DDX10: variants seen among roughly 807,000 people sequenced by gnomAD.
DDX10 encodes DEAD-box helicase 10, also known as probable ATP-dependent RNA helicase DDX10.
A neutral mutation model predicts 104.3 loss-of-function variants in DDX10; 74 were observed. The observed-to-expected ratio is 0.71, with a 90% CI of 0.59 to 0.86. DDX10 has a LOEUF of 0.86. DDX10 is among the 40% of genes least tolerant of loss of function. The pLI is 0.00. For synonymous variants in DDX10, 351 were observed against 353.4 expected, an observed-to-expected ratio of 0.99 and a Z score of 0.08; for missense variants, 952 against 1,040.0, an observed-to-expected ratio of 0.92 and a Z score of 1.16.
chr11:108,779,385 C>T (rs1308819779), intron 13 of DDX10, among the ~76,000 whole-genome samples: 4 of 152,096 alleles, frequency 2.6e-5, no homozygotes, highest in Non-Finnish European at 5.9e-5. Flanking sequence ...ATGTCCTTTG[C>T]AGGGACATGG....
At chr11:108,924,171 A>AAT (rs1863877941) in intron 17 of DDX10, among the ~76,000 whole-genome samples, 1 of 152,146 alleles carries the variant, frequency 6.6e-6, no homozygotes, top group Non-Finnish European at 1.5e-5. Context: ...TTAAATTTTT[A>AAT]ATATATATAA....
At chr11:108,725,044 C>G (rs2094303422) in intron 13 of DDX10, among the ~76,000 whole-genome samples, 1 of 152,022 alleles carries the variant, frequency 6.6e-6, no homozygotes, top group Non-Finnish European at 1.5e-5. Context: ...CTGATTTCTA[C>G]CCCTGTAGTG....
rs966331966 is a variant in DDX10 at position 108,706,760 on chromosome 11, T to C, written c.1245T>C (p.Ala415=). The part of the protein sequence containing the change: ...RTARYKEDGE[A]LLILLPSEKA... ...TTAGGTACAAAGAGGATGGTGAAGCTTTGCTAATTTTGCTACCCTCAGAAA... is the reference window on the plus strand; with the variant it reads ...TTAGGTACAAAGAGGATGGTGAAGCCTTGCTAATTTTGCTACCCTCAGAAA... Residue 415 remains alanine, a synonymous_variant, in exon 10 of 18, where the codon GCT becomes GCC. Coordinates refer to ENST00000322536, the MANE Select transcript of DDX10 (RefSeq NM_004398.4). The C allele has an allele frequency of 6.2e-7, 1 of 1,614,040 alleles. No individual in the cohort carries two copies. Among genetic ancestry groups the C allele is most frequent in the Admixed American group, 1.7e-5 (1 of 60,022 alleles).
chr11:108,700,389 T>C (rs1426382396), intron 9 of DDX10, among the ~76,000 whole-genome samples: 1 of 152,224 alleles, frequency 6.6e-6, no homozygotes, highest in Non-Finnish European at 1.5e-5. Context: ...CTGGGATTTA[T>C]GCTTAGATCT....
intron 1 of DDX10, among the ~76,000 whole-genome samples, chr11:108,668,722 GA>G (rs1005905766): frequency 6.6e-6 from 1 of 151,812 alleles, no homozygotes; most frequent in Admixed American, 6.6e-5. Flanking sequence ...AGTATATATG[GA>G]AAAAAAATAC....
chr11:108,824,309 G>T (rs978980407), intron 13 of DDX10, among the ~76,000 whole-genome samples: 1 of 152,144 alleles, frequency 6.6e-6, no homozygotes, highest in African/African-American at 2.4e-5. Flanking sequence ...TCGCAAAGTG[G>T]CATGAGCCAC....
At chr11:108,835,094 G>A (rs1862535912) in intron 13 of DDX10, among the ~76,000 whole-genome samples, 1 of 151,932 alleles carries the variant, frequency 6.6e-6, no homozygotes. Context: ...CAGAAGTGGG[G>A]GTCTTATTAA....
chr11:108,734,589 A>G (rs1232224775), intron 13 of DDX10, among the ~76,000 whole-genome samples: 3 of 152,226 alleles, frequency 2.0e-5, no homozygotes, highest in Non-Finnish European at 4.4e-5. Context: ...CTGAATCATT[A>G]TATCAAATAT....
At chr11:108,666,302 AC>A (rs371598374) in intron 1 of DDX10, among the ~76,000 whole-genome samples, 10 of 151,612 alleles carry the variant, frequency 6.6e-5, no homozygotes, top group African/African-American at 2.4e-4. Flanking sequence ...ACATGGTGAA[AC>A]CCCGCCTCTA....
chr11:108,799,949 C>T (rs910259734), intron 13 of DDX10, among the ~76,000 whole-genome samples: 3 of 151,998 alleles, frequency 2.0e-5, no homozygotes, highest in Admixed American at 2.0e-4. Flanking sequence ...GAGTCTGTCT[C>T]TCTCTGTTAC....
intron 9 of DDX10, among the ~76,000 whole-genome samples, chr11:108,698,486 CA>C (rs2094262962): frequency 6.6e-6 from 1 of 152,150 alleles, no homozygotes; most frequent in Non-Finnish European, 1.5e-5. Flanking sequence ...TAAAAGGTCA[CA>C]GCAAATTTAT....
At chr11:108,695,594 T>C (rs558953639) in intron 9 of DDX10, among the ~76,000 whole-genome samples, 1 of 152,242 alleles carries the variant, frequency 6.6e-6, no homozygotes, top group Non-Finnish European at 1.5e-5. Flanking sequence ...ATTTATATTT[T>C]TTGGGTAGCT....
Position 108,840,643 on chromosome 11 carries a change from A to G in DDX10, c.2086-672A>G, listed in dbSNP as rs549646336. Among the ~76,000 whole-genome samples, 39 of 152,288 alleles carry G rather than the reference A, an allele frequency of 2.6e-4. No homozygotes were observed. The East Asian group carries it at 2.7e-3, about 11-fold the overall frequency. On this transcript the variant is annotated intron_variant, in intron 14 of 17. Coordinates refer to ENST00000322536, the MANE Select transcript of DDX10 (RefSeq NM_004398.4). Reference sequence around the variant, plus strand: ...CACCTTGTTCCTTACCCTAAACTGTATGTGTAAAATATGTGGATTTGAGCA... The same window carrying G: ...CACCTTGTTCCTTACCCTAAACTGTGTGTGTAAAATATGTGGATTTGAGCA...
chr11:108,908,505 G>C (rs747172608), intron 16 of DDX10, among the ~76,000 whole-genome samples: 4 of 152,100 alleles, frequency 2.6e-5, no homozygotes. Context: ...GTTCTTAAAG[G>C]TTATTTTGTT....
At chr11:108,772,243 A>G (rs1269163924) in intron 13 of DDX10, among the ~76,000 whole-genome samples, 9 of 152,254 alleles carry the variant, frequency 5.9e-5, no homozygotes, top group African/African-American at 1.9e-4. Flanking sequence ...CAACCTACGA[A>G]TATTACCTTA....
intron 13 of DDX10, among the ~76,000 whole-genome samples, chr11:108,732,016 A>T (rs376831005): frequency 1.3e-5 from 2 of 152,208 alleles, no homozygotes; most frequent in South Asian, 4.1e-4. Flanking sequence ...CTTATAACTT[A>T]TCCTCTTTAT....
chr11:108,817,458 T>G (rs1290727446), intron 13 of DDX10, among the ~76,000 whole-genome samples: 1 of 152,214 alleles, frequency 6.6e-6, no homozygotes, highest in East Asian at 1.9e-4. Context: ...TGCACCTTCT[T>G]CAGAAAGGCC....
At chr11:108,795,553 C>T (rs1861930159) in intron 13 of DDX10, among the ~76,000 whole-genome samples, 1 of 144,264 alleles carries the variant, frequency 6.9e-6, no homozygotes, top group Non-Finnish European at 1.5e-5. Context: ...CAAGTGTTCT[C>T]ATTGTTCAGT....
intron 16 of DDX10, among the ~76,000 whole-genome samples, chr11:108,909,979 A>G (rs1046506782): frequency 6.6e-5 from 10 of 152,010 alleles, no homozygotes; most frequent in Admixed American, 6.6e-5. Context: ...TTTGAAATCT[A>G]TTTCAGAATT....
Sources: gnomAD v4.1 joint callset for allele counts (sites outside exome capture counted in the v4.1 genomes callset) on GRCh38, gnomAD v4.1.1 for gene constraint, MANE v1.5 for transcripts, NCBI Gene and HGNC (gene_info 2026-07-23, HGNC 2026-07-21) for gene names.